TCF7L2: variants seen among roughly 807,000 people sequenced by gnomAD.
TCF7L2 encodes the protein transcription factor 7-like 2.
Under a neutral mutation model 77.9 loss-of-function variants are expected in TCF7L2, and 23 were observed. That is an observed-to-expected ratio of 0.30 (90% CI 0.21 to 0.42). The LOEUF is 0.42. TCF7L2 is among the 10% of genes least tolerant of loss of function. TCF7L2 has a pLI of 1.00. For missense variants in TCF7L2, 654 were observed against 793.1 expected, an observed-to-expected ratio of 0.82 and a Z score of 2.11; for synonymous variants, 413 against 340.2, an observed-to-expected ratio of 1.21 and a Z score of -2.36.
Position 112,951,550 on chromosome 10 carries a change from C to T in TCF7L2, c.324C>T (p.Ile108=), listed in dbSNP as rs1339286245. 3 of 1,409,644 alleles carry T rather than the reference C, an allele frequency of 2.1e-6. No homozygotes were observed. Among genetic ancestry groups the T allele is most frequent in the Non-Finnish European group, 2.8e-6 (3 of 1,056,622 alleles). The allele number at this position is 1,409,644 out of a possible 1,614,324, so 87.3% of individuals were successfully genotyped here. A position where few individuals can be genotyped will look rare whatever the true frequency, so the allele number is the denominator to read the frequency against. ...ATCCCGGCTACCCCTTCATCATGAT[C>T]CCCGACCTGACGAGCCCCTACCTCC... The change falls in exon 3 of 14, where the codon ATC becomes ATT. Residue 108 remains isoleucine, a synonymous_variant. Coordinates refer to ENST00000627217, the MANE Select transcript of TCF7L2 (RefSeq NM_001146274.2).
At chr10:113,030,603 T>C (rs2050047965) in intron 4 of TCF7L2, among the ~76,000 whole-genome samples, 1 of 152,262 alleles carries the variant, frequency 6.6e-6, no homozygotes, top group Non-Finnish European at 1.5e-5. Context: ...AGATGGCCTC[T>C]GGCCTGCCTC....
chr10:113,043,715 A>G (rs2052898150), intron 5 of TCF7L2, among the ~76,000 whole-genome samples: 1 of 152,102 alleles, frequency 6.6e-6, no homozygotes, highest in African/African-American at 2.4e-5. Flanking sequence ...TCGCATTCAT[A>G]TAACTAAACT....
In TCF7L2 at chr10:113,137,599, A is replaced by G. The variant is rs117572618; in HGVS notation, c.553-3585A>G. ...AAACCCTTTTAAAGGCACAGTTGTAATTGAGATAGTGTCTGCAAGGGTATT... is the reference window on the plus strand; with the variant it reads ...AAACCCTTTTAAAGGCACAGTTGTAGTTGAGATAGTGTCTGCAAGGGTATT... On this transcript the variant is annotated intron_variant, in intron 5 of 13. Transcript: ENST00000627217. Among the ~76,000 whole-genome samples the G allele has an allele frequency of 2.9e-4, 44 of 152,326 alleles. No individual in the cohort carries two copies. The East Asian group carries it at 8.5e-3, about 29-fold the overall frequency.
intron 5 of TCF7L2, among the ~76,000 whole-genome samples, chr10:113,124,238 C>T (rs965564521): frequency 5.9e-5 from 9 of 152,114 alleles, no homozygotes; most frequent in African/African-American, 2.2e-4. Context: ...GTATATACAG[C>T]ACAGGCTTCC....
rs146164198 is a variant in TCF7L2 at position 113,010,886 on chromosome 10, T to C, written c.451-29139T>C. 6.1e-3 allele frequency among the ~76,000 whole-genome samples: 935 copies of C among 152,226 alleles called. 17 individuals carry two copies. Among genetic ancestry groups the C allele is most frequent in the East Asian group, 0.047 (244 of 5,172 alleles). On this transcript the variant is annotated intron_variant, in intron 4 of 13. Coordinates refer to ENST00000627217, the MANE Select transcript of TCF7L2 (RefSeq NM_001146274.2). ...AAAATATTAGCCGGGCCTGGTGGTG[T>C]GCACCTGTAGTCTCAGCTACTTGAG... is the stretch of plus-strand genomic sequence containing the variant.
At position 113,155,517 on chromosome 10, in the gene TCF7L2, T is replaced by C. The variant is rs990587439; in HGVS notation, c.1270-2504T>C. Among the ~76,000 whole-genome samples the C allele has an allele frequency of 2.0e-5, 3 of 152,224 alleles. No individual in the cohort carries two copies. In the South Asian group the frequency reaches 6.2e-4, roughly 32 times the overall value. On this transcript the variant is annotated intron_variant, in intron 11 of 13. Coordinates refer to ENST00000627217, the MANE Select transcript of TCF7L2 (RefSeq NM_001146274.2). ...ACAATCCCTGTCCTCCAGAAGTCTC[T>C]AGTCTAAATGACAACTTCTTCAGTA...
chr10:113,157,805 C>T (rs1013563301), intron 11 of TCF7L2: 3 of 516,746 alleles, frequency 5.8e-6, no homozygotes, highest in Non-Finnish European at 1.0e-5. Context: ...CCAATCCCTT[C>T]TCTGCTCCCA....
At chr10:113,164,174 A>G (rs2073669390) in intron 13 of TCF7L2, among the ~76,000 whole-genome samples, 1 of 152,150 alleles carries the variant, frequency 6.6e-6, no homozygotes, top group Non-Finnish European at 1.5e-5. Context: ...TCCTTACCAA[A>G]TACCATCCCA....
chr10:112,969,630 T>C (rs1380326650), intron 4 of TCF7L2, among the ~76,000 whole-genome samples: 1 of 152,228 alleles, frequency 6.6e-6, no homozygotes, highest in African/African-American at 2.4e-5. Context: ...ATGTGAGTGA[T>C]ACGTGTAGGG....
At chr10:113,146,193 C>G (rs528186864) in intron 8 of TCF7L2, 96 bp downstream of exon 8, 1 of 1,118,438 alleles carries the variant, frequency 8.9e-7, no homozygotes, top group Admixed American at 1.7e-5. Flanking sequence ...ACCACAGCTA[C>G]ATGTAGTTCT....
rs74157210 is a variant in TCF7L2, at chr10:113,085,994, G to A, written c.552+45868G>A. Among the ~76,000 whole-genome samples the A allele has an allele frequency of 6.7e-3, 1,024 of 152,300 alleles. 11 individuals are homozygous for A. Among genetic ancestry groups the A allele is most frequent in the African/African-American group, 0.023 (974 of 41,566 alleles). On this transcript the variant is annotated intron_variant, in intron 5 of 13. Coordinates refer to ENST00000627217, the MANE Select transcript of TCF7L2 (RefSeq NM_001146274.2). ...CACTAGAGGTGAAGGAGGGCCCTTGGGGCAATTCCAGCAGGTGGGTGGTGG... is the reference window on the plus strand; with the variant it reads ...CACTAGAGGTGAAGGAGGGCCCTTGAGGCAATTCCAGCAGGTGGGTGGTGG...
chr10:112,995,403 A>C lies in TCF7L2; in HGVS notation c.450+30779A>C, dbSNP rs142171284. The stretch of plus-strand genomic sequence containing the variant: ...TGCTTGGTTGTTGTTTCTCTGTCTC[A>C]GCCCTGGAGATGGGAGTGACCACCT... On this transcript the variant is annotated intron_variant, in intron 4 of 13. Coordinates refer to ENST00000627217, the MANE Select transcript of TCF7L2 (RefSeq NM_001146274.2). 9.6e-3 allele frequency among the ~76,000 whole-genome samples: 1,467 copies of C among 152,256 alleles called. 18 individuals carry two copies. The highest frequency in any genetic ancestry group is 0.033 in the South Asian group (160 of 4,816).
chr10:112,961,264 C>CCCCCT (rs2035109636), intron 3 of TCF7L2, among the ~76,000 whole-genome samples: 2 of 131,688 alleles, frequency 1.5e-5, no homozygotes, highest in African/African-American at 3.0e-5. Context: ...ACCCCCCCCC[C>CCCCCT]CCCAACCTCG....
chr10:113,096,225 G>A (rs539357523), intron 5 of TCF7L2, among the ~76,000 whole-genome samples: 136 of 152,156 alleles, frequency 8.9e-4, no homozygotes, highest in Non-Finnish European at 1.6e-3. Context: ...CTCTGTTGAC[G>A]TACCTGTTTC....
chr10:112,964,726 G>T, intron 4 of TCF7L2, 102 bp downstream of exon 4: 1 of 893,882 alleles, frequency 1.1e-6, no homozygotes, highest in South Asian at 1.4e-5. Flanking sequence ...TGATGATGAT[G>T]ATGATGATGA....
intron 5 of TCF7L2, among the ~76,000 whole-genome samples, chr10:113,134,037 C>G (rs2067015406): frequency 6.6e-6 from 1 of 152,176 alleles, no homozygotes; most frequent in Non-Finnish European, 1.5e-5. Flanking sequence ...AAACTCGAAC[C>G]CTGTGAAACC....
chr10:113,074,023 C>T (rs2135304154), intron 5 of TCF7L2, among the ~76,000 whole-genome samples: 1 of 152,270 alleles, frequency 6.6e-6, no homozygotes, highest in South Asian at 2.1e-4. Flanking sequence ...CTGGTGTCGG[C>T]CGCTGGTGAG....
At chr10:113,028,546 G>GA (rs895481647) in intron 4 of TCF7L2, among the ~76,000 whole-genome samples, 3 of 151,872 alleles carry the variant, frequency 2.0e-5, no homozygotes, top group Non-Finnish European at 2.9e-5. Flanking sequence ...GTGACAAGGG[G>GA]AAAAAAAACA....
chr10:113,036,705 G>T (rs2051338453), intron 4 of TCF7L2, among the ~76,000 whole-genome samples: 2 of 133,486 alleles, frequency 1.5e-5, no homozygotes, highest in South Asian at 5.0e-4. Flanking sequence ...TTTAATGAAA[G>T]TTGAGCAGAC....
Sources: gnomAD v4.1 joint callset for allele counts (sites outside exome capture counted in the v4.1 genomes callset) on GRCh38, gnomAD v4.1.1 for gene constraint, MANE v1.5 for transcripts, NCBI Gene and HGNC (gene_info 2026-07-23, HGNC 2026-07-21) for gene names.